SOS1: variants seen among roughly 807,000 people sequenced by gnomAD.
The protein encoded by SOS1 is son of sevenless homolog 1.
A neutral mutation model predicts 157.6 loss-of-function variants in SOS1; 25 were observed. The ratio of observed to expected loss-of-function variants is 0.16; its 90% CI spans 0.12 to 0.22. The LOEUF (loss-of-function observed/expected upper bound fraction) is 0.22. Ranked by LOEUF, SOS1 falls within the 10% of genes least tolerant of loss-of-function variation. SOS1 has a pLI of 1.00. For missense variants in SOS1, 1,237 were observed against 1,599.1 expected (o/e 0.77, Z 3.86); for synonymous variants, 528 against 534.0 (o/e 0.99, Z 0.16).
At chr2:39,038,894 A>C (rs1309711838) in intron 6 of SOS1, among the ~76,000 whole-genome samples, 2 of 152,096 alleles carry the variant, frequency 1.3e-5, no homozygotes, top group Non-Finnish European at 2.9e-5. Flanking sequence ...AAGAATTTCT[A>C]CTGTGGGTAA....
chr2:39,046,781 G>C (rs1377772843), intron 6 of SOS1, among the ~76,000 whole-genome samples: 7 of 152,080 alleles, frequency 4.6e-5, no homozygotes, highest in Non-Finnish European at 7.4e-5. Flanking sequence ...GGGATTACAG[G>C]TGCAAGCCAC....
chr2:39,076,471 G>C (rs751094392), intron 1 of SOS1, among the ~76,000 whole-genome samples: 13 of 151,890 alleles, frequency 8.6e-5, no homozygotes, highest in Non-Finnish European at 1.8e-4. Context: ...TGACCGACTT[G>C]GGCTTATTTC....
intron 8 of SOS1, among the ~76,000 whole-genome samples, chr2:39,024,543 T>G (rs1165618079): frequency 6.6e-6 from 1 of 151,992 alleles, no homozygotes; most frequent in African/African-American, 2.4e-5. Flanking sequence ...ATTATTGTTA[T>G]ATAATATTGA....
rs1025067827 is a variant in SOS1, at chr2:39,006,608, C to T, written c.2674-79G>A. 5.9e-5 allele frequency: 46 copies of T among 775,714 alleles called. No homozygotes were observed. In the Admixed American group the frequency reaches 6.5e-4, roughly 11 times the overall value. 48.1% of individuals were successfully genotyped at this position (775,714 alleles called of 1,614,324 possible). ...AAAAAAAATACTAGGCTAACAGAAACGCCCAAATACAACAGTATCAATTTG... is the reference window on the plus strand; with the variant it reads ...AAAAAAAATACTAGGCTAACAGAAATGCCCAAATACAACAGTATCAATTTG... On this transcript the variant is annotated intron_variant, in intron 16 of 22. Transcript: ENST00000402219.
At chr2:39,016,746 A>G (rs914405675) in intron 10 of SOS1, among the ~76,000 whole-genome samples, 1 of 152,128 alleles carries the variant, frequency 6.6e-6, no homozygotes, top group South Asian at 2.1e-4. Context: ...CAGTCTAAAA[A>G]TCTAAAATCA....
intron 10 of SOS1, among the ~76,000 whole-genome samples, chr2:39,017,617 AAAAAC>A (rs1207877464): frequency 6.6e-6 from 1 of 152,076 alleles, no homozygotes. Flanking sequence ...AGCAGAAACT[AAAAAC>A]AAACCAAGAA....
chr2:39,043,212 A>C (rs1319789699), intron 6 of SOS1, among the ~76,000 whole-genome samples: 1 of 152,202 alleles, frequency 6.6e-6, no homozygotes, highest in Non-Finnish European at 1.5e-5. Context: ...GTGAATGTTT[A>C]ATTTTAAGAA....
intron 2 of SOS1, among the ~76,000 whole-genome samples, chr2:39,067,331 G>C (rs1671622803): frequency 6.6e-6 from 1 of 152,000 alleles, no homozygotes. Context: ...AAAACTTCTA[G>C]ATGCTGACAT....
At chr2:39,065,487 G>C (rs1671561162) in intron 2 of SOS1, among the ~76,000 whole-genome samples, 1 of 152,152 alleles carries the variant, frequency 6.6e-6, no homozygotes, top group African/African-American at 2.4e-5. Flanking sequence ...GCCATATCCT[G>C]CTTTGTAACT....
intron 6 of SOS1, among the ~76,000 whole-genome samples, chr2:39,038,089 T>C (rs976250520): frequency 6.6e-6 from 1 of 152,210 alleles, no homozygotes; most frequent in African/African-American, 2.4e-5. Context: ...ATTTCACAAA[T>C]ATGTTCTGTA....
intron 1 of SOS1, among the ~76,000 whole-genome samples, chr2:39,076,866 C>T (rs954645972): frequency 6.6e-6 from 1 of 151,848 alleles, no homozygotes. Context: ...TAATTGAAAA[C>T]CCAAAAGAAT....
intron 1 of SOS1, among the ~76,000 whole-genome samples, chr2:39,088,860 ATATT>A (rs1672476044): frequency 6.6e-6 from 1 of 152,128 alleles, no homozygotes; most frequent in African/African-American, 2.4e-5. Flanking sequence ...TAGTAATTCT[ATATT>A]TAGTTTTTTG....
intron 6 of SOS1, among the ~76,000 whole-genome samples, chr2:39,045,265 A>G (rs1331635154): frequency 7.9e-6 from 1 of 125,838 alleles, no homozygotes; most frequent in African/African-American, 2.8e-5. Flanking sequence ...AGAGAGAGAG[A>G]GAGAGAGAGT....
chr2:39,049,849 G>A (rs1670934751), intron 6 of SOS1, among the ~76,000 whole-genome samples: 1 of 152,188 alleles, frequency 6.6e-6, no homozygotes, highest in African/African-American at 2.4e-5. Context: ...AAACTTTACT[G>A]TAGATACCAG....
chr2:39,022,064 T>C (rs1483297268), intron 10 of SOS1, among the ~76,000 whole-genome samples: 1 of 151,840 alleles, frequency 6.6e-6, no homozygotes, highest in African/African-American at 2.4e-5. Flanking sequence ...TGAAAAATTA[T>C]AATAAAACTG....
rs1246925190 is a variant in SOS1, at chr2:39,060,207, T to C, written c.214-1403A>G. ...TGTTTATAGTGATGGGTTTAACCCA[T>C]GATTAACTAAGTGCAACCATGGTAC... On this transcript the variant is annotated intron_variant, in intron 2 of 22. Coordinates refer to ENST00000402219, the MANE Select transcript of SOS1 (RefSeq NM_005633.4). Among the ~76,000 whole-genome samples, 3 of 152,346 alleles carry C rather than the reference T, an allele frequency of 2.0e-5. No homozygotes were observed. In the East Asian group the frequency reaches 5.8e-4, roughly 29 times the overall value.
At chr2:39,063,634 A>C (rs1325214919) in intron 2 of SOS1, among the ~76,000 whole-genome samples, 1 of 152,204 alleles carries the variant, frequency 6.6e-6, no homozygotes, top group Admixed American at 6.5e-5. Flanking sequence ...AAAACTTTTT[A>C]ATTACCATCA....
At chr2:39,026,338 G>C (rs2124544278) in intron 8 of SOS1, among the ~76,000 whole-genome samples, 2 of 137,732 alleles carry the variant, frequency 1.5e-5, no homozygotes, top group South Asian at 4.6e-4. Context: ...CTGGGCAACA[G>C]AGTGAGACTC....
intron 1 of SOS1, among the ~76,000 whole-genome samples, chr2:39,107,233 G>A (rs946508099): frequency 2.0e-5 from 3 of 152,066 alleles, no homozygotes; most frequent in African/African-American, 7.2e-5. Context: ...TCTGACTACA[G>A]GAAGGATAAT....
Sources: allele counts gnomAD v4.1 joint callset (sites outside exome capture counted in the v4.1 genomes callset), GRCh38; gene constraint gnomAD v4.1.1; transcripts MANE v1.5; gene names NCBI Gene and HGNC (gene_info 2026-07-23, HGNC 2026-07-21).